Variants in HACD3 observed in about 807,000 individuals in gnomAD.
HACD3 encodes the protein 3-hydroxyacyl-CoA dehydratase 3.
HACD3 carries 30 observed loss-of-function variants against 55.2 expected under a neutral mutation model. The ratio of observed to expected loss-of-function variants is 0.54; its 90% CI spans 0.41 to 0.74. The LOEUF is 0.74. HACD3 is among the 30% of genes least tolerant of loss of function. HACD3 has a pLI of 0.00. For synonymous variants in HACD3, 141 were observed against 151.7 expected, an observed-to-expected ratio of 0.93 and a Z score of 0.52; for missense variants, 363 against 440.1, an observed-to-expected ratio of 0.82 and a Z score of 1.57.
chr15:65,557,399 C>T (rs1356852283), intron 4 of HACD3, among the ~76,000 whole-genome samples: 4 of 150,776 alleles, frequency 2.7e-5, no homozygotes, highest in Middle Eastern at 3.4e-3. Context: ...GGCGTGAACT[C>T]GGGAGGCGGG....
intron 2 of HACD3, among the ~76,000 whole-genome samples, chr15:65,553,339 C>G (rs1430220277): frequency 2.6e-5 from 4 of 151,900 alleles, no homozygotes; most frequent in African/African-American, 9.7e-5. Context: ...GATGATGTCT[C>G]AGGCCTTTTC....
chr15:65,542,596 T>C (rs992621280), intron 1 of HACD3, among the ~76,000 whole-genome samples: 1 of 151,994 alleles, frequency 6.6e-6, no homozygotes, highest in Non-Finnish European at 1.5e-5. Flanking sequence ...ATTTGCAAAT[T>C]TTTGCAAAAC....
rs1245899792 is a variant in HACD3, at chr15:65,571,668, C to G, written c.880+14C>G. The G allele has an allele frequency of 8.8e-6, 14 of 1,590,946 alleles. No homozygotes were observed. In the East Asian group the frequency reaches 3.1e-4, roughly 36 times the overall value. On this transcript the variant is annotated intron_variant, in intron 9 of 10. Transcript: ENST00000261875. ...GTTTGGCGGAAGGTACTCTCAGGGACTCTTAGCTTTCATAGCTTAGCTCCA... is the reference window on the plus strand; with the variant it reads ...GTTTGGCGGAAGGTACTCTCAGGGAGTCTTAGCTTTCATAGCTTAGCTCCA...
At position 65,577,427 on chromosome 15, in the gene HACD3, C is replaced by T; in HGVS notation, c.*1048C>T. ...TGACAGTGCAAGACCCTGTCTCAAA[C>T]CAAACCAAACCACACACACACAAAC... On this transcript the variant is annotated 3_prime_UTR_variant, in exon 11 of 11. Transcript: ENST00000261875. 6.6e-6 allele frequency: 1 copy of T among 151,886 alleles called. No individual in the cohort carries two copies. The highest frequency in any genetic ancestry group is 1.5e-5 in the Non-Finnish European group (1 of 68,254). 9.4% of individuals were successfully genotyped at this position (151,886 alleles called of 1,614,324 possible). A position where few individuals can be genotyped will look rare whatever the true frequency, so the allele number is the denominator to read the frequency against.
chr15:65,530,951 G>A, intron 1 of HACD3: 1 of 497,958 alleles, frequency 2.0e-6, no homozygotes, highest in South Asian at 2.6e-5. Flanking sequence ...CAGAGAGCTC[G>A]GCCTGGGCCT....
rs374497608 is a variant in HACD3 at position 65,530,688 on chromosome 15, A to G, written c.57A>G (p.Leu19=). The G allele has an allele frequency of 1.8e-5, 28 of 1,576,822 alleles. No individual in the cohort carries two copies. In the Middle Eastern group the frequency reaches 8.3e-4, roughly 47 times the overall value. The change falls in exon 1 of 11, where the codon CTA becomes CTG. Residue 19 remains leucine, a synonymous_variant. Coordinates refer to ENST00000261875, the MANE Select transcript of HACD3 (RefSeq NM_016395.4). Reference sequence around the variant, plus strand: ...ACTGGGCTCAGCGACACCGCGAGCTATATCTGCGCGTGGAGCTGAGTGACG... The same window carrying G: ...ACTGGGCTCAGCGACACCGCGAGCTGTATCTGCGCGTGGAGCTGAGTGACG... ...HVYWAQRHRE[L]YLRVELSDVQ...
At chr15:65,559,281 A>G (rs1388368958) in intron 5 of HACD3, among the ~76,000 whole-genome samples, 1 of 152,086 alleles carries the variant, frequency 6.6e-6, no homozygotes, top group Non-Finnish European at 1.5e-5. Flanking sequence ...TTCAGCAGCT[A>G]TCTGTTAAAG....
intron 1 of HACD3, among the ~76,000 whole-genome samples, chr15:65,546,534 C>T (rs2072078907): frequency 6.6e-6 from 1 of 152,110 alleles, no homozygotes; most frequent in African/African-American, 2.4e-5. Context: ...CTAAAAAAAC[C>T]AAATATGACA....
rs1413605549 is a variant in HACD3, at chr15:65,554,912, C to T, written c.156C>T (p.Asp52=). The change falls in exon 3 of 11, where the codon GAC becomes GAT. Residue 52 remains aspartate, a synonymous_variant. Coordinates refer to ENST00000261875, the MANE Select transcript of HACD3 (RefSeq NM_016395.4). ...FKAQGHGAKG[D]NVYEFHLEFL... is the part of the protein sequence containing the mutation. ...CTCAAGGACATGGTGCCAAAGGAGA[C>T]AATGTCTATGAATTTCACCTGGAGT... 2 of 1,612,596 alleles carry T rather than the reference C, an allele frequency of 1.2e-6. No homozygotes were observed. Among genetic ancestry groups the T allele is most frequent in the Non-Finnish European group, 1.7e-6 (2 of 1,178,652 alleles).
At chr15:65,562,236 A>G (rs868580271) in intron 5 of HACD3, among the ~76,000 whole-genome samples, 1 of 152,226 alleles carries the variant, frequency 6.6e-6, no homozygotes, top group Admixed American at 6.5e-5. Context: ...CTCTCTGTGC[A>G]GTGTTCCCTC....
rs1054853487 is a variant in HACD3 at position 65,530,716 on chromosome 15, C to A, written c.85C>A (p.Gln29Lys). The change falls in exon 1 of 11, where the codon CAG (glutamine) becomes AAG (lysine). Residue 29 changes from glutamine to lysine, a missense_variant and splice_region_variant. Transcript: ENST00000261875. ...TCTGCGCGTGGAGCTGAGTGACGTACAGGTAAAGGCCGGGTCGGGCGGCGG... is the reference window on the plus strand; with the variant it reads ...TCTGCGCGTGGAGCTGAGTGACGTAAAGGTAAAGGCCGGGTCGGGCGGCGG... The part of the protein sequence containing the change: ...LYLRVELSDV[Q>K]NPAISITENV... 6.4e-7 allele frequency: 1 copy of A among 1,556,980 alleles called. No individual in the cohort carries two copies.
chr15:65,565,893 G>A (rs1192378037), intron 7 of HACD3: 2 of 152,140 alleles, frequency 1.3e-5, no homozygotes, highest in African/African-American at 4.8e-5. Flanking sequence ...CTTTTAAAAC[G>A]GAATGCTTTT....
At chr15:65,551,552 G>A (rs2072132653) in intron 1 of HACD3, 124 bp from the exon 2 acceptor site, 2 of 1,007,090 alleles carry the variant, frequency 2.0e-6, no homozygotes, top group African/African-American at 3.2e-5. Flanking sequence ...TATATTTCTG[G>A]GGGAGGCACA....
chr15:65,543,897 CG>C (rs1252413276), intron 1 of HACD3, among the ~76,000 whole-genome samples: 1 of 152,096 alleles, frequency 6.6e-6, no homozygotes, highest in Non-Finnish European at 1.5e-5. Flanking sequence ...TGTGAGTCGG[CG>C]GGGCGTGGTG....
chr15:65,531,095 C>G (rs2071893442), intron 1 of HACD3, among the ~76,000 whole-genome samples: 1 of 151,798 alleles, frequency 6.6e-6, no homozygotes, highest in African/African-American at 2.4e-5. Flanking sequence ...CTTGTTGGGT[C>G]AGGGGTGCGG....
At chr15:65,546,953 G>GA (rs1189810933) in intron 1 of HACD3, among the ~76,000 whole-genome samples, 2 of 151,968 alleles carry the variant, frequency 1.3e-5, no homozygotes, top group Non-Finnish European at 2.9e-5. Flanking sequence ...ATCAGTAAAG[G>GA]AAAAAAAGCA....
intron 10 of HACD3, among the ~76,000 whole-genome samples, chr15:65,573,478 C>T (rs1284185781): frequency 6.6e-6 from 1 of 151,834 alleles, no homozygotes; most frequent in Non-Finnish European, 1.5e-5. Context: ...CTTGGTGGCG[C>T]ATGCCTGTAA....
chr15:65,535,655 A>G (rs1213895658), intron 1 of HACD3: 3 of 402,332 alleles, frequency 7.5e-6, no homozygotes, highest in African/African-American at 4.2e-5. Flanking sequence ...CATTATTATT[A>G]TATCTGTTCT....
At chr15:65,553,565 T>C (rs530886784) in intron 2 of HACD3, among the ~76,000 whole-genome samples, 34 of 152,332 alleles carry the variant, frequency 2.2e-4, no homozygotes, top group African/African-American at 7.9e-4. Context: ...TATACTTGCA[T>C]GAAAGTACAG....
Sources: allele counts gnomAD v4.1 joint callset (sites outside exome capture counted in the v4.1 genomes callset), GRCh38; gene constraint gnomAD v4.1.1; transcripts MANE v1.5; gene names NCBI Gene and HGNC (gene_info 2026-07-23, HGNC 2026-07-21).